PDZRN3: variants seen among roughly 807,000 people sequenced by gnomAD.
PDZRN3 encodes E3 ubiquitin-protein ligase PDZRN3.
A neutral mutation model predicts 85.7 loss-of-function variants in PDZRN3; 38 were observed. The observed-to-expected ratio is 0.44, with a 90% CI of 0.34 to 0.58. The LOEUF (loss-of-function observed/expected upper bound fraction) is 0.58, where lower values mean the gene tolerates loss of function less well. Ranked by LOEUF, PDZRN3 falls within the 20% of genes least tolerant of loss-of-function variation. The probability of loss-of-function intolerance (pLI) is 0.01; values close to 1 mark genes in which losing one functional copy is unlikely to be tolerated. For synonymous variants in PDZRN3, 759 were observed against 638.0 expected (o/e 1.19, Z -2.86); for missense variants, 1,629 against 1,506.4 (o/e 1.08, Z -1.35).
intron 3 of PDZRN3, among the ~76,000 whole-genome samples, chr3:73,511,211 C>T (rs1704158158): frequency 6.6e-6 from 1 of 152,056 alleles, no homozygotes; most frequent in Non-Finnish European, 1.5e-5. Flanking sequence ...ATTAAGCAAG[C>T]CTGTAACCCA....
At chr3:73,610,851 T>C (rs928944942) in intron 1 of PDZRN3, among the ~76,000 whole-genome samples, 4 of 152,218 alleles carry the variant, frequency 2.6e-5, no homozygotes, top group Admixed American at 1.3e-4. Context: ...TTACATTGCA[T>C]TGACAATGAT....
At chr3:73,538,609 C>T (rs937933058) in intron 3 of PDZRN3, among the ~76,000 whole-genome samples, 1 of 152,136 alleles carries the variant, frequency 6.6e-6, no homozygotes, top group Non-Finnish European at 1.5e-5. Context: ...GATGCTACTC[C>T]TCATTTAGAG....
chr3:73,384,700 G>A lies in PDZRN3; in HGVS notation c.1866C>T (p.Asn622=), dbSNP rs553747931. The stretch of plus-strand genomic sequence containing the variant: ...TGCAGTCGGCCGAAATGAAAGACTC[G>A]TTGCTGAAGGGCAGGTCGCCGCTGC... ...TLGSGDLPFS[N]ESFISADCTD... is the part of the protein sequence containing the mutation. Residue 622 remains asparagine, a synonymous_variant, in exon 10 of 10, where the codon AAC becomes AAT. Transcript: ENST00000263666. 40 of 1,614,048 alleles carry A rather than the reference G, an allele frequency of 2.5e-5. No homozygotes were observed. Among genetic ancestry groups the A allele is most frequent in the Admixed American group, 2.0e-4 (12 of 60,038 alleles).
chr3:73,423,454 T>C (rs573893251), intron 3 of PDZRN3, among the ~76,000 whole-genome samples: 82 of 152,350 alleles, frequency 5.4e-4, no homozygotes, highest in African/African-American at 1.9e-3. Flanking sequence ...TTTTCACTGG[T>C]TTAGTGCTGT....
rs574719695 is a variant in PDZRN3, at chr3:73,403,113, G to GT, written c.1166+1034dup. ...TGACCGCCACCACACCTGGCTAATTGTTTTTTGTATTTTTAGTAGAGACGG... is the reference window on the plus strand; with the variant it reads ...TGACCGCCACCACACCTGGCTAATTGTTTTTTTGTATTTTTAGTAGAGACGG... On this transcript the variant is annotated intron_variant, in intron 4 of 9. Transcript: ENST00000263666. Among the ~76,000 whole-genome samples, 279 of 151,950 alleles carry GT rather than the reference G, an allele frequency of 1.8e-3. 2 individuals carry two copies. The highest frequency in any genetic ancestry group is 6.6e-3 in the African/African-American group (272 of 41,424).
chr3:73,527,771 G>A (rs773346410), intron 3 of PDZRN3, among the ~76,000 whole-genome samples: 2 of 152,036 alleles, frequency 1.3e-5, no homozygotes, highest in Non-Finnish European at 2.9e-5. Flanking sequence ...ATGTGGGCTC[G>A]GCATTGTTGA....
At chr3:73,569,090 GA>G in intron 3 of PDZRN3, 1 of 1,048,636 alleles carries the variant, frequency 9.5e-7, no homozygotes, top group Non-Finnish European at 1.3e-6. Flanking sequence ...TGCTGCAGCT[GA>G]ACTTTGAACC....
chr3:73,443,479 CTTTTTTTT>C (rs768320565), intron 3 of PDZRN3, among the ~76,000 whole-genome samples: 9 of 48,152 alleles, frequency 1.9e-4, no homozygotes, highest in African/African-American at 4.1e-4. Context: ...TTTCCTTTTT[CTTTTTTTT>C]TTTTTTTTTT....
At chr3:73,587,829 C>T (rs1702299226) in intron 3 of PDZRN3, among the ~76,000 whole-genome samples, 1 of 152,182 alleles carries the variant, frequency 6.6e-6, no homozygotes, top group African/African-American at 2.4e-5. Context: ...GATGTCATTC[C>T]ACTGTCAATC....
At chr3:73,498,236 C>G (rs1703905277) in intron 3 of PDZRN3, among the ~76,000 whole-genome samples, 1 of 152,174 alleles carries the variant, frequency 6.6e-6, no homozygotes, top group Admixed American at 6.5e-5. Flanking sequence ...ACTTGAGTTT[C>G]TATCTATCAA....
intron 3 of PDZRN3, among the ~76,000 whole-genome samples, chr3:73,509,566 A>G (rs1272170656): frequency 6.6e-6 from 1 of 152,170 alleles, no homozygotes; most frequent in Admixed American, 6.5e-5. Flanking sequence ...GTACTCAACT[A>G]ACGTACTGAC....
rs2106656171 is a variant in PDZRN3 at position 73,382,502 on chromosome 3, G to C, written c.*863C>G. The C allele has an allele frequency of 6.6e-6, 1 of 152,660 alleles. No individual in the cohort carries two copies. The highest frequency in any genetic ancestry group is 6.5e-5 in the Admixed American group (1 of 15,288). 9.5% of individuals were successfully genotyped at this position (152,660 alleles called of 1,614,324 possible). ...GAATCACATCAAAACATATCAAATA[G>C]AAAATAATAATTTATTTTAACTTCA... On this transcript the variant is annotated 3_prime_UTR_variant, in exon 10 of 10. Transcript: ENST00000263666.
Position 73,615,242 on chromosome 3 carries a change from G to GA in PDZRN3, c.724-6559dup, listed in dbSNP as rs1455406220. ...GTCTGCTACTATATTTACACAACCTGAAAAAATCCATAAATGTCTAATTTC... is the reference window on the plus strand; with the variant it reads ...GTCTGCTACTATATTTACACAACCTGAAAAAAATCCATAAATGTCTAATTTC... On this transcript the variant is annotated intron_variant, in intron 1 of 9. Transcript: ENST00000263666. 2.6e-5 allele frequency among the ~76,000 whole-genome samples: 4 copies of GA among 152,102 alleles called. No individual in the cohort carries two copies. The East Asian group carries it at 5.8e-4, about 22-fold the overall frequency.
chr3:73,561,706 C>G (rs1454277824), intron 3 of PDZRN3: 2 of 152,186 alleles, frequency 1.3e-5, no homozygotes, highest in Non-Finnish European at 2.9e-5. Flanking sequence ...CGTGCATCTT[C>G]GCATGCGGAT....
intron 3 of PDZRN3, among the ~76,000 whole-genome samples, chr3:73,454,547 T>C (rs1246143290): frequency 6.6e-6 from 1 of 152,198 alleles, no homozygotes; most frequent in Non-Finnish European, 1.5e-5. Context: ...TGGATTTACT[T>C]GTTTGCTTTG....
intron 3 of PDZRN3, among the ~76,000 whole-genome samples, chr3:73,470,402 A>T: frequency 6.6e-6 from 1 of 152,194 alleles, no homozygotes; most frequent in Non-Finnish European, 1.5e-5. Context: ...AGTCTGTGCT[A>T]TGTGCTAAGT....
chr3:73,599,970 A>T (rs555826106), intron 3 of PDZRN3, among the ~76,000 whole-genome samples: 1 of 152,286 alleles, frequency 6.6e-6, no homozygotes, highest in Admixed American at 6.5e-5. Context: ...TTTTACAATT[A>T]TTTGTGTATG....
At chr3:73,474,863 C>CTAA in intron 3 of PDZRN3, among the ~76,000 whole-genome samples, 2 of 152,118 alleles carry the variant, frequency 1.3e-5, no homozygotes, top group Non-Finnish European at 2.9e-5. Flanking sequence ...TCCTTCAGCC[C>CTAA]TGGGGTGGCT....
At chr3:73,578,462 G>A (rs1014205312) in intron 3 of PDZRN3, among the ~76,000 whole-genome samples, 5 of 152,172 alleles carry the variant, frequency 3.3e-5, no homozygotes, top group East Asian at 1.9e-4. Flanking sequence ...GAGCCACCGC[G>A]CCCAGCCGAC....
Sources: allele counts gnomAD v4.1 joint callset (sites outside exome capture counted in the v4.1 genomes callset), GRCh38; gene constraint gnomAD v4.1.1; transcripts MANE v1.5; gene names NCBI Gene and HGNC (gene_info 2026-07-23, HGNC 2026-07-21).